The following DPPA5 variants were observed in gnomAD, a reference collection of about 807,000 sequenced individuals.
DPPA5 encodes the protein developmental pluripotency associated 5, also known as developmental pluripotency-associated 5 protein.
Under a neutral mutation model 11.3 loss-of-function variants are expected in DPPA5, and 11 were observed. The observed-to-expected ratio is 0.97, with a 90% CI of 0.61 to 1.61. The LOEUF is 1.61. Among genes scored for constraint, DPPA5 ranks in the 40% most tolerant of loss-of-function variants. The pLI is 0.00. For synonymous variants in DPPA5, 53 were observed against 59.2 expected (o/e 0.90, Z 0.48); for missense variants, 132 against 151.8 (o/e 0.87, Z 0.68).
At chr6:73,353,752 G>A (rs1057423359) in intron 2 of DPPA5, 101 bp downstream of exon 2, 2 of 1,431,216 alleles carry the variant, frequency 1.4e-6, no homozygotes, top group Admixed American at 5.0e-5. Context: ...CCAAGGTGCT[G>A]GCAGCGAGCA....
rs141223599 is a variant in DPPA5, at chr6:73,353,866, C to T, written c.279G>A (p.Gln93=). The T allele has an allele frequency of 0.018, 28,448 of 1,613,564 alleles. 330 individuals are homozygous for T. The highest frequency in any genetic ancestry group is 0.022 in the Non-Finnish European group (26,034 of 1,179,924). Residue 93 remains glutamine, a synonymous_variant, in exon 2 of 3, where the codon CAG becomes CAA. Transcript: ENST00000370370. ...MLQSMAEWHR[Q]RQERGMLKLA... ...TGGGCCTCTCACCTCGCTCCTGGCG[C>T]TGGCGGTGCCACTCAGCCATGGACT...
At chr6:73,353,825 C>T in intron 2 of DPPA5, 28 bp downstream of exon 2, 1 of 1,609,742 alleles carries the variant, frequency 6.2e-7, no homozygotes, top group Non-Finnish European at 8.5e-7. Context: ...AGCCTGTGTT[C>T]CGCGTACCCA....
rs1454895934 is a variant in DPPA5 at position 73,353,775 on chromosome 6, G to A, written c.292+78C>T. On this transcript the variant is annotated intron_variant, in intron 2 of 2. Transcript: ENST00000370370. ...CTGGCAGCGAGCAAGAGAGGAGAAAGAGGAGAGGGCTGGAGGAGAGGCGCG... is the reference window on the plus strand; with the variant it reads ...CTGGCAGCGAGCAAGAGAGGAGAAAAAGGAGAGGGCTGGAGGAGAGGCGCG... 6 of 1,515,722 alleles carry A rather than the reference G, an allele frequency of 4.0e-6. No homozygotes were observed. The African/African-American group carries it at 5.5e-5, about 14-fold the overall frequency. 93.9% of individuals were successfully genotyped at this position (1,515,722 alleles called of 1,614,324 possible).
Position 73,353,323 on chromosome 6 carries a change from C to T in DPPA5, c.348G>A (p.Lys116=). The T allele has an allele frequency of 1.2e-6, 2 of 1,614,136 alleles. No homozygotes were observed. Among genetic ancestry groups the T allele is most frequent in the Non-Finnish European group, 1.7e-6 (2 of 1,180,038 alleles). ...MNALELGPWM[K] is the part of the protein sequence containing the mutation. The stretch of plus-strand genomic sequence containing the variant: ...ATTGCATTGGCTGGAAACTGGTTCA[C>T]TTCATCCAAGGGCCTAGTTCGAGGG... The change falls in exon 3 of 3, where the codon AAG becomes AAA. Residue 116 remains lysine (K), a synonymous_variant. Coordinates refer to ENST00000370370, the MANE Select transcript of DPPA5 (RefSeq NM_001025290.3).
In DPPA5 at chr6:73,353,232, A is replaced by G. The variant is rs1047527915; in HGVS notation, c.*88T>C. 1.3e-6 allele frequency: 2 copies of G among 1,541,224 alleles called. No homozygotes were observed. Among genetic ancestry groups the G allele is most frequent in the African/African-American group, 2.7e-5 (2 of 73,334 alleles). On this transcript the variant is annotated 3_prime_UTR_variant, in exon 3 of 3. Coordinates refer to ENST00000370370, the MANE Select transcript of DPPA5 (RefSeq NM_001025290.3). ...CCCTTAACTCTTTAGGCTGGAGCAG[A>G]TTTTAAAACAAGCTTAAGGAATCAC...
intron 2 of DPPA5, 137 bp from the exon 3 acceptor site, chr6:73,353,515 T>A: frequency 1.0e-6 from 1 of 994,694 alleles, no homozygotes; most frequent in Non-Finnish European, 1.5e-6. Flanking sequence ...GCCCAGAACC[T>A]TGGAACCCGA....
At chr6:73,353,777 G>T in intron 2 of DPPA5, 76 bp downstream of exon 2, 2 of 1,520,438 alleles carry the variant, frequency 1.3e-6, no homozygotes, top group South Asian at 1.3e-5. Flanking sequence ...AGGAGAAAGA[G>T]GAGAGGGCTG....
rs1768715690 is a variant in DPPA5, at chr6:73,353,267, G to A, written c.*53C>T. On this transcript the variant is annotated 3_prime_UTR_variant, in exon 3 of 3. Coordinates refer to ENST00000370370, the MANE Select transcript of DPPA5 (RefSeq NM_001025290.3). ...AAGCTTAAGGAATCACTCTAGCTCT[G>A]GCCACAACCTAATCTCTGCAACCCG... is the stretch of plus-strand genomic sequence containing the variant. 1.2e-6 allele frequency: 2 copies of A among 1,604,964 alleles called. No homozygotes were observed. The highest frequency in any genetic ancestry group is 2.2e-5 in the East Asian group (1 of 44,808).
chr6:73,353,476 G>C, intron 2 of DPPA5, 98 bp from the exon 3 acceptor site: 1 of 1,449,966 alleles, frequency 6.9e-7, no homozygotes, highest in South Asian at 1.2e-5. Flanking sequence ...TGGGACTTCT[G>C]ATCCAGGCGT....
Position 73,353,137 on chromosome 6 carries a change from A to G in DPPA5, c.*183T>C. On this transcript the variant is annotated 3_prime_UTR_variant, in exon 3 of 3. Coordinates refer to ENST00000370370, the MANE Select transcript of DPPA5 (RefSeq NM_001025290.3). ...AAAACACTTTTTATTAACAATCATC[A>G]AAGAAATATTCACAACAAGACTCAG... 1.6e-6 allele frequency: 1 copy of G among 614,674 alleles called. No homozygotes were observed. Among genetic ancestry groups the G allele is most frequent in the Non-Finnish European group, 2.8e-6 (1 of 353,118 alleles). 38.1% of individuals were successfully genotyped at this position (614,674 alleles called of 1,614,324 possible).
Position 73,354,233 on chromosome 6 carries a change from C to T in DPPA5, c.-8G>A, listed in dbSNP as rs1164328111. 2 of 1,613,756 alleles carry T rather than the reference C, an allele frequency of 1.2e-6. No individual in the cohort carries two copies. The highest frequency in any genetic ancestry group is 2.7e-5 in the African/African-American group (2 of 75,018). On this transcript the variant is annotated 5_prime_UTR_variant, in exon 1 of 3. Transcript: ENST00000370370. ...TGCCGGGAGAGTTCCCATCTTATGACCCTCACAACCAAGACCACTCTCCAG... is the reference window on the plus strand; with the variant it reads ...TGCCGGGAGAGTTCCCATCTTATGATCCTCACAACCAAGACCACTCTCCAG...
Position 73,354,210 on chromosome 6 carries a change from C to T in DPPA5, c.16G>A (p.Ala6Thr). The T allele has an allele frequency of 6.2e-7, 1 of 1,614,192 alleles. No homozygotes were observed. Among genetic ancestry groups the T allele is most frequent in the Non-Finnish European group, 8.5e-7 (1 of 1,180,016 alleles). Reference sequence around the variant, plus strand: ...ACCCACGGCGGGATATGTCTACGTGCCGGGAGAGTTCCCATCTTATGACCC... The same window carrying T: ...ACCCACGGCGGGATATGTCTACGTGTCGGGAGAGTTCCCATCTTATGACCC... MGTLP[A>T]RRHIPPWVKV... The change falls in exon 1 of 3, where the codon GCA becomes ACA. Residue 6 changes from alanine to threonine, a missense_variant. By Grantham distance (58) the Ala-to-Thr change is moderately conservative. Coordinates refer to ENST00000370370, the MANE Select transcript of DPPA5 (RefSeq NM_001025290.3).
At position 73,353,892 on chromosome 6, in the gene DPPA5, G is replaced by T. The variant is rs372341276; in HGVS notation, c.253C>A (p.Gln85Lys). Residue 85 changes from glutamine to lysine, a missense_variant, in exon 2 of 3, where the codon CAG (glutamine) becomes AAG (lysine). Physicochemically the swap from Gln to Lys is moderately conservative, Grantham distance 53. Transcript: ENST00000370370. ...TGGCGGTGCCACTCAGCCATGGACT[G>T]GAGCATCCACTTGGTCCGGAGCTTG... ...LYKLRTKWML[Q>K]SMAEWHRQRQ... 1 of 1,614,006 alleles carries T rather than the reference G, an allele frequency of 6.2e-7. No homozygotes were observed. Among genetic ancestry groups the T allele is most frequent in the Non-Finnish European group, 8.5e-7 (1 of 1,179,994 alleles).
chr6:73,353,926 G>A lies in DPPA5; in HGVS notation c.219C>T (p.Ser73=). The change falls in exon 2 of 3, where the codon TCC becomes TCT. Residue 73 remains serine, a synonymous_variant. Coordinates refer to ENST00000370370, the MANE Select transcript of DPPA5 (RefSeq NM_001025290.3). ...ACTTGGTCCGGAGCTTGTACAAATA[G>A]GAGCCGTAAACCACGACCTCGGTGA... ...SDLTEVVVYG[S]YLYKLRTKWM... The A allele has an allele frequency of 6.2e-7, 1 of 1,614,202 alleles. No homozygotes were observed. The highest frequency in any genetic ancestry group is 8.5e-7 in the Non-Finnish European group (1 of 1,180,034).
At position 73,354,046 on chromosome 6, in the gene DPPA5, G is replaced by A. The variant is rs1280081433; in HGVS notation, c.113-14C>T. The stretch of plus-strand genomic sequence containing the variant: ...ATCCGTCCGGGCCTGTTGGGGAAAA[G>A]AGATGAGATCCCCGGGCCGGCTGAG... On this transcript the variant is annotated splice_polypyrimidine_tract_variant and intron_variant, in intron 1 of 2. Coordinates refer to ENST00000370370, the MANE Select transcript of DPPA5 (RefSeq NM_001025290.3). The A allele has an allele frequency of 2.5e-6, 4 of 1,613,720 alleles. No homozygotes were observed. The African/African-American group carries it at 4.0e-5, about 16-fold the overall frequency.
Position 73,353,250 on chromosome 6 carries a change from G to A in DPPA5, c.*70C>T. ...GGAGCAGATTTTAAAACAAGCTTAA[G>A]GAATCACTCTAGCTCTGGCCACAAC... is the stretch of plus-strand genomic sequence containing the variant. On this transcript the variant is annotated 3_prime_UTR_variant, in exon 3 of 3. Coordinates refer to ENST00000370370, the MANE Select transcript of DPPA5 (RefSeq NM_001025290.3). 6.3e-7 allele frequency: 1 copy of A among 1,581,700 alleles called. No individual in the cohort carries two copies. The highest frequency in any genetic ancestry group is 8.7e-7 in the Non-Finnish European group (1 of 1,151,132).
Position 73,354,041 on chromosome 6 carries a change from G to T in DPPA5, c.113-9C>A, listed in dbSNP as rs1768734122. On this transcript the variant is annotated splice_polypyrimidine_tract_variant and intron_variant, in intron 1 of 2. Coordinates refer to ENST00000370370, the MANE Select transcript of DPPA5 (RefSeq NM_001025290.3). ...TCGAGATCCGTCCGGGCCTGTTGGG[G>T]AAAAGAGATGAGATCCCCGGGCCGG... 1 of 1,613,634 alleles carries T rather than the reference G, an allele frequency of 6.2e-7. No individual in the cohort carries two copies. Among genetic ancestry groups the T allele is most frequent in the Non-Finnish European group, 8.5e-7 (1 of 1,179,702 alleles).
At position 73,353,184 on chromosome 6, in the gene DPPA5, T is replaced by C. The variant is rs1768714110; in HGVS notation, c.*136A>G. 2 of 982,318 alleles carry C rather than the reference T, an allele frequency of 2.0e-6. No individual in the cohort carries two copies. Among genetic ancestry groups the C allele is most frequent in the South Asian group, 3.0e-5 (2 of 65,774 alleles). 60.9% of individuals were successfully genotyped at this position (982,318 alleles called of 1,614,324 possible). ...TCAGAGCCAAGGGTTTTCCCTTAAC[T>C]CTTTAAGGGAACAAATGGTTTTCCC... On this transcript the variant is annotated 3_prime_UTR_variant, in exon 3 of 3. Coordinates refer to ENST00000370370, the MANE Select transcript of DPPA5 (RefSeq NM_001025290.3).
Position 73,353,580 on chromosome 6 carries a change from G to T in DPPA5, c.293-202C>A, listed in dbSNP as rs138696135. Among the ~76,000 whole-genome samples, 840 of 152,282 alleles carry T rather than the reference G, an allele frequency of 5.5e-3. 14 individuals are homozygous for T. Among genetic ancestry groups the T allele is most frequent in the African/African-American group, 0.019 (790 of 41,566 alleles). On this transcript the variant is annotated intron_variant, in intron 2 of 2. Transcript: ENST00000370370. Reference sequence around the variant, plus strand: ...AGAAACTGAAGGGGGCGGGGAGACGGTTGAGATAGCTCAGATAACCCTGCC... The same window carrying T: ...AGAAACTGAAGGGGGCGGGGAGACGTTTGAGATAGCTCAGATAACCCTGCC...
Sources: allele counts gnomAD v4.1 joint callset (sites outside exome capture counted in the v4.1 genomes callset), GRCh38; gene constraint gnomAD v4.1.1; transcripts MANE v1.5; gene names NCBI Gene and HGNC (gene_info 2026-07-23, HGNC 2026-07-21).